Variants in ITPR3 observed in about 807,000 individuals in gnomAD.
ITPR3 encodes the protein inositol 1,4,5-trisphosphate receptor type 3, also known as inositol 1,4,5-trisphosphate-gated calcium channel ITPR3.
Under a neutral mutation model 293.2 loss-of-function variants are expected in ITPR3, and 173 were observed. That is an observed-to-expected ratio of 0.59 (90% confidence interval 0.52 to 0.67). ITPR3 has a LOEUF of 0.67. Ranked by LOEUF, ITPR3 falls within the 30% of genes least tolerant of loss-of-function variation. The pLI is 0.00. For synonymous variants in ITPR3, 1,295 were observed against 1,444.4 expected (o/e 0.90, Z 2.35); for missense variants, 2,796 against 3,592.1 (o/e 0.78, Z 5.66).
intron 12 of ITPR3, 31 bp from the exon 13 acceptor site, chr6:33,665,022 C>T: frequency 1.9e-6 from 3 of 1,613,568 alleles, no homozygotes; most frequent in Non-Finnish European, 2.5e-6. Flanking sequence ...GAGCTTGTTC[C>T]CAGGTGCCCT....
chr6:33,651,294 A>T (rs1454872548), intron 2 of ITPR3, among the ~76,000 whole-genome samples: 1 of 142,692 alleles, frequency 7.0e-6, no homozygotes, highest in Non-Finnish European at 1.6e-5. Flanking sequence ...AAAAAAAAAA[A>T]AGAAAAGTCT....
In ITPR3 at chr6:33,655,584, C is replaced by T. The variant is rs1439264633; in HGVS notation, c.161-182C>T. 2.0e-5 allele frequency among the ~76,000 whole-genome samples: 3 copies of T among 152,200 alleles called. No individual in the cohort carries two copies. The highest frequency in any genetic ancestry group is 4.4e-5 in the Non-Finnish European group (3 of 68,042). Reference sequence around the variant, plus strand: ...TGCCTCTGAGCCTCCCCATTCTACTCAGCATATTCCAGGATGCTCCAAATT... The same window carrying T: ...TGCCTCTGAGCCTCCCCATTCTACTTAGCATATTCCAGGATGCTCCAAATT... On this transcript the variant is annotated intron_variant, in intron 2 of 57. Transcript: ENST00000605930. The surrounding 1 kb of genome is among the most constrained non-coding windows in gnomAD (Gnocchi z 4.9).
At chr6:33,661,857 G>A (rs1353783975) in intron 7 of ITPR3, among the ~76,000 whole-genome samples, 7 of 117,322 alleles carry the variant, frequency 6.0e-5, no homozygotes, top group Admixed American at 4.6e-4. Flanking sequence ...TTAGCCGGGC[G>A]TGGTGGCAGG....
At chr6:33,641,293 C>T (rs1400327535) in intron 2 of ITPR3, among the ~76,000 whole-genome samples, 2 of 152,186 alleles carry the variant, frequency 1.3e-5, no homozygotes, top group Non-Finnish European at 2.9e-5. Context: ...AGGTCCTGGG[C>T]GTGTTGGGCA....
At chr6:33,693,852 C>A in intron 56 of ITPR3, 147 bp downstream of exon 56, 1 of 930,040 alleles carries the variant, frequency 1.1e-6, no homozygotes, top group Non-Finnish European at 1.6e-6. Context: ...CCCTAGGAGG[C>A]CAGGCAGAGG....
intron 2 of ITPR3, among the ~76,000 whole-genome samples, chr6:33,643,944 G>C (rs1271750782): frequency 6.6e-6 from 1 of 152,240 alleles, no homozygotes; most frequent in Non-Finnish European, 1.5e-5. Flanking sequence ...TGTAACTGCA[G>C]CACTTGGGAG....
chr6:33,678,301 C>T, intron 28 of ITPR3, 120 bp from the exon 29 acceptor site: 1 of 1,386,420 alleles, frequency 7.2e-7, no homozygotes, highest in Non-Finnish European at 9.9e-7. Flanking sequence ...TCCCTTTACG[C>T]TGGCCTCTTC....
Position 33,632,850 on chromosome 6 carries a change from C to G in ITPR3, c.90-7634C>G, listed in dbSNP as rs529347363. ...AGACAGGGCTCCTGTCCTCGGCACT[C>G]AGCGTGGTCGCAGGAGATCCCAGAG... On this transcript the variant is annotated intron_variant, in intron 1 of 57. Coordinates refer to ENST00000605930, the MANE Select transcript of ITPR3 (RefSeq NM_002224.4). The surrounding 1 kb of genome is among the most constrained non-coding windows in gnomAD (Gnocchi z 4.1). Among the ~76,000 whole-genome samples the G allele has an allele frequency of 6.6e-5, 10 of 152,324 alleles. No individual in the cohort carries two copies. Among genetic ancestry groups the G allele is most frequent in the Admixed American group, 6.5e-5 (1 of 15,296 alleles).
In ITPR3 at chr6:33,667,885, C is replaced by T. The variant is rs373600730; in HGVS notation, c.1807C>T (p.Arg603Cys). ...DTITALLHNN[R>C]KLLEKHITKT... ...CATCACTGCCCTGCTGCACAACAAC[C>T]GCAAGCTCCTGGAAAAGCACATCAC... is the stretch of plus-strand genomic sequence containing the variant. Residue 603 changes from arginine (R) to cysteine (C), a missense_variant, in exon 16 of 58, where the codon CGC becomes TGC. Physicochemically the swap from Arg to Cys is radical, Grantham distance 180. Around this residue, in one of 8 missense-constraint regions of ITPR3, gnomAD observed 955 missense variants for 1,180.8 expected, o/e 0.81. Coordinates refer to ENST00000605930, the MANE Select transcript of ITPR3 (RefSeq NM_002224.4). The surrounding 1 kb of genome is among the most constrained non-coding windows in gnomAD (Gnocchi z 4.4). 6.8e-6 allele frequency: 11 copies of T among 1,614,222 alleles called. No individual in the cohort carries two copies. The highest frequency in any genetic ancestry group is 7.6e-6 in the Non-Finnish European group (9 of 1,180,032).
At position 33,658,126 on chromosome 6, in the gene ITPR3, C is replaced by T. The variant is rs1173010172; in HGVS notation, c.369+108C>T. ...GCATTGCCCTCTGTGCATGTGTGTCCCCGGGTGAATGAGTGGCCCTGGGGC... is the reference window on the plus strand; with the variant it reads ...GCATTGCCCTCTGTGCATGTGTGTCTCCGGGTGAATGAGTGGCCCTGGGGC... On this transcript the variant is annotated intron_variant, in intron 4 of 57. Transcript: ENST00000605930. The surrounding 1 kb of genome is among the most constrained non-coding windows in gnomAD (Gnocchi z 6.1). The T allele has an allele frequency of 2.1e-6, 2 of 951,224 alleles. No homozygotes were observed. Among genetic ancestry groups the T allele is most frequent in the East Asian group, 2.7e-5 (1 of 37,646 alleles). The allele number at this position is 951,224 out of a possible 1,614,324, so 58.9% of individuals were successfully genotyped here.
intron 2 of ITPR3, among the ~76,000 whole-genome samples, chr6:33,643,365 C>T (rs570282242): frequency 3.3e-5 from 5 of 152,204 alleles, no homozygotes; most frequent in Non-Finnish European, 2.9e-5. Flanking sequence ...GGAAGGAATC[C>T]CTGCATGGCT....
intron 2 of ITPR3, among the ~76,000 whole-genome samples, chr6:33,645,557 C>T (rs932089600): frequency 1.3e-5 from 2 of 152,114 alleles, no homozygotes; most frequent in Non-Finnish European, 2.9e-5. Context: ...TCCTTAGGCT[C>T]GTGTGCTCGG....
intron 2 of ITPR3, among the ~76,000 whole-genome samples, chr6:33,645,553 G>A (rs530861555): frequency 6.3e-4 from 96 of 152,290 alleles, no homozygotes; most frequent in African/African-American, 2.0e-3. Context: ...AGCCTCCTTA[G>A]GCTCGTGTGC....
rs567685639 is a variant in ITPR3, at chr6:33,694,351, T to C, written c.7786-573T>C. On this transcript the variant is annotated intron_variant, in intron 56 of 57. Transcript: ENST00000605930. ...CTTTGTGTACAGGTTTATCTGTTGGTCTGAGAATTCACAGCTTACTACAAG... is the reference window on the plus strand; with the variant it reads ...CTTTGTGTACAGGTTTATCTGTTGGCCTGAGAATTCACAGCTTACTACAAG... The C allele has an allele frequency of 3.0e-5, 5 of 165,822 alleles. No homozygotes were observed. The South Asian group carries it at 6.8e-4, about 23-fold the overall frequency. 10.3% of individuals were successfully genotyped at this position (165,822 alleles called of 1,614,324 possible).
Position 33,632,923 on chromosome 6 carries a change from G to T in ITPR3, c.90-7561G>T, listed in dbSNP as rs1458681729. Among the ~76,000 whole-genome samples, 1 of 152,236 alleles carries T rather than the reference G, an allele frequency of 6.6e-6. No homozygotes were observed. The highest frequency in any genetic ancestry group is 1.5e-5 in the Non-Finnish European group (1 of 68,044). ...TAGTAGGCTCGTGGTGAGGTCTGTCGAGTAGATGGAGGCCTGGGTTGTGTC... is the reference window on the plus strand; with the variant it reads ...TAGTAGGCTCGTGGTGAGGTCTGTCTAGTAGATGGAGGCCTGGGTTGTGTC... On this transcript the variant is annotated intron_variant, in intron 1 of 57. Transcript: ENST00000605930. This position sits in a 1 kb window ranked among gnomAD's most constrained non-coding sequence, Gnocchi z 4.1.
chr6:33,685,857 C>G lies in ITPR3; in HGVS notation c.5667+30C>G, dbSNP rs200075255. The G allele has an allele frequency of 6.8e-5, 105 of 1,548,238 alleles. No homozygotes were observed. In the East Asian group the frequency reaches 2.3e-3, roughly 34 times the overall value. On this transcript the variant is annotated intron_variant, in intron 41 of 57. Coordinates refer to ENST00000605930, the MANE Select transcript of ITPR3 (RefSeq NM_002224.4). ...GTGCCTCGCCACACACCTGCCCCTT[C>G]CCCCGCTGGCCAGCCGGCATGCAGA...
chr6:33,663,545 G>A lies in ITPR3; in HGVS notation c.1000G>A (p.Gly334Arg). The change falls in exon 10 of 58, where the codon GGA (glycine) becomes AGA (arginine). Residue 334 changes from glycine (G) to arginine (R), a missense_variant. Physicochemically the swap from Gly to Arg is moderately radical, Grantham distance 125 (BLOSUM62 -2). Coordinates refer to ENST00000605930, the MANE Select transcript of ITPR3 (RefSeq NM_002224.4). ...TGATGCCTCAGATCCCAAGGCAGCA[G>A]GAATGGTGAGGAGCAAAGCAGGTCT... is the stretch of plus-strand genomic sequence containing the variant. ...KGDASDPKAA[G>R]MGAQGRTGRR... 6.2e-7 allele frequency: 1 copy of A among 1,604,932 alleles called. No individual in the cohort carries two copies. The highest frequency in any genetic ancestry group is 8.5e-7 in the Non-Finnish European group (1 of 1,175,372).
Position 33,685,776 on chromosome 6 carries a change from C to A in ITPR3, c.5616C>A (p.Pro1872=). ...EMGTSVLIMQ[P]ILRFLQLLCE... is the part of the protein sequence containing the mutation. ...GCACATCCGTGCTCATCATGCAGCC[C>A]ATCCTGCGCTTTCTGCAGCTGCTGT... The change falls in exon 41 of 58, where the codon CCC becomes CCA. Residue 1872 remains proline (P), a synonymous_variant. Coordinates refer to ENST00000605930, the MANE Select transcript of ITPR3 (RefSeq NM_002224.4). The A allele has an allele frequency of 6.3e-7, 1 of 1,594,908 alleles. No homozygotes were observed. Among genetic ancestry groups the A allele is most frequent in the South Asian group, 1.1e-5 (1 of 89,398 alleles).
chr6:33,631,399 A>G (rs1372353319), intron 1 of ITPR3, among the ~76,000 whole-genome samples: 1 of 152,234 alleles, frequency 6.6e-6, no homozygotes, highest in Non-Finnish European at 1.5e-5. Context: ...AAGGTGAAGC[A>G]AGTCATGTGA....
Sources: gnomAD v4.1 joint callset for allele counts (sites outside exome capture counted in the v4.1 genomes callset) on GRCh38, gnomAD v4.1.1 for gene constraint, gnomAD v4.1.1 regional missense constraint, Gnocchi (gnomAD v3.1) non-coding constraint, MANE v1.5 for transcripts, NCBI Gene and HGNC (gene_info 2026-07-23, HGNC 2026-07-21) for gene names.